Variants in FAT1 observed in about 807,000 individuals in gnomAD.
The protein encoded by FAT1 is protocadherin Fat 1.
FAT1 carries 171 observed loss-of-function variants against 329.8 expected under a neutral mutation model. The ratio of observed to expected loss-of-function variants is 0.52; its 90% confidence interval spans 0.46 to 0.59. The LOEUF is 0.59. FAT1 is among the 20% of genes least tolerant of loss of function. The pLI, the probability that FAT1 is intolerant of heterozygous loss-of-function variation, is 0.00. For missense variants in FAT1, 5,672 were observed against 5,774.4 expected (o/e 0.98, Z 0.57); for synonymous variants, 2,233 against 2,228.6 (o/e 1.00, Z -0.06).
rs1739315974 is a variant in FAT1 at position 186,609,810 on chromosome 4, A to G, written c.10059T>C (p.Ser3353=). The change falls in exon 15 of 27, where the codon TCT becomes TCC. Residue 3353 remains serine, a synonymous_variant. Coordinates refer to ENST00000441802, the MANE Select transcript of FAT1 (RefSeq NM_005245.4). ...GGGAAAAAATACACACCGTGATGACAGACTGCTCAAGAACGGCATCTTCAC... is the reference window on the plus strand; with the variant it reads ...GGGAAAAAATACACACCGTGATGACGGACTGCTCAAGAACGGCATCTTCAC... The part of the protein sequence containing the change: ...VISEDAVLEQ[S]VITVMADDAD... The G allele has an allele frequency of 1.2e-6, 2 of 1,610,950 alleles. No individual in the cohort carries two copies. Among genetic ancestry groups the G allele is most frequent in the Non-Finnish European group, 1.7e-6 (2 of 1,177,212 alleles).
intron 1 of FAT1, among the ~76,000 whole-genome samples, chr4:186,715,113 G>A (rs1745149339): frequency 6.6e-6 from 1 of 151,062 alleles, no homozygotes; most frequent in Admixed American, 6.6e-5. Context: ...GATGCGCCAC[G>A]CTGCTTCCCC....
At position 186,618,589 on chromosome 4, in the gene FAT1, T is replaced by C. The variant is rs752763243; in HGVS notation, c.7997A>G (p.Asn2666Ser). The C allele has an allele frequency of 2.5e-5, 40 of 1,613,932 alleles. No individual in the cohort carries two copies. The highest frequency in any genetic ancestry group is 7.6e-6 in the Non-Finnish European group (9 of 1,179,902). Residue 2666 changes from asparagine (N) to serine (S), a missense_variant, in exon 10 of 27, where the codon AAT (asparagine) becomes AGT (serine). Around this residue, in one of 2 missense-constraint regions of FAT1, gnomAD observed 3,966 missense variants for 3,915.2 expected, o/e 1.01. Coordinates refer to ENST00000441802, the MANE Select transcript of FAT1 (RefSeq NM_005245.4). The part of the protein sequence containing the change: ...TTKESLIGLE[N>S]EFFTFFVRAV... The stretch of plus-strand genomic sequence containing the variant: ...TCTAACAAAGAAAGTGAAGAATTCA[T>C]TTTCCAAGCCAATGAGGCTCTCCTT...
chr4:186,617,576 C>T (rs571435724), intron 10 of FAT1, 132 bp downstream of exon 10: 28 of 731,324 alleles, frequency 3.8e-5, no homozygotes, highest in Admixed American at 1.4e-4. Context: ...GTTATTTCTA[C>T]GTATTATTTT....
intron 2 of FAT1, among the ~76,000 whole-genome samples, chr4:186,688,028 T>C (rs1217490645): frequency 6.6e-6 from 1 of 151,166 alleles, no homozygotes; most frequent in East Asian, 2.0e-4. Context: ...AATGACTATA[T>C]ACTGCCTTTT....
rs775269930 is a variant in FAT1, at chr4:186,601,439, C to T, written c.11483-13G>A. The T allele has an allele frequency of 8.1e-6, 13 of 1,597,110 alleles. No individual in the cohort carries two copies. In the African/African-American group the frequency reaches 1.5e-4, roughly 18 times the overall value. On this transcript the variant is annotated splice_polypyrimidine_tract_variant and intron_variant, in intron 20 of 26. Transcript: ENST00000441802. ...ATAGATGAACTCCCTGTGAATCACA[C>T]AGAGGAAAAAATAAACCAGAACCAA...
chr4:186,707,488 A>G lies in FAT1; in HGVS notation c.2340T>C (p.Leu780=). Residue 780 remains leucine (L), a synonymous_variant, in exon 2 of 27, where the codon CTT becomes CTC. Coordinates refer to ENST00000441802, the MANE Select transcript of FAT1 (RefSeq NM_005245.4). ...ETGMLKILSP[L]DRETTDKYTL... ...TGTATTTGTCTGTTGTTTCACGGTCAAGAGGAGATAAAATTTTCAGCATTC... is the reference window on the plus strand; with the variant it reads ...TGTATTTGTCTGTTGTTTCACGGTCGAGAGGAGATAAAATTTTCAGCATTC... 1.2e-6 allele frequency: 2 copies of G among 1,614,022 alleles called. No individual in the cohort carries two copies. Among genetic ancestry groups the G allele is most frequent in the Non-Finnish European group, 1.7e-6 (2 of 1,179,884 alleles).
intron 2 of FAT1, among the ~76,000 whole-genome samples, chr4:186,702,223 G>T (rs1173213512): frequency 6.6e-6 from 1 of 152,214 alleles, no homozygotes; most frequent in African/African-American, 2.4e-5. Context: ...TTTCATGAAT[G>T]CTGACTTAAG....
rs191556742 is a variant in FAT1, at chr4:186,679,595, T to G, written c.3266-15982A>C. On this transcript the variant is annotated intron_variant, in intron 2 of 26. Coordinates refer to ENST00000441802, the MANE Select transcript of FAT1 (RefSeq NM_005245.4). ...CTTTTTCCAAAACCTAAATACAAAT[T>G]CAACATGGGAAAAAAAAAAACATAG... Among the ~76,000 whole-genome samples the G allele has an allele frequency of 3.5e-5, 5 of 144,624 alleles. No individual in the cohort carries two copies. The East Asian group carries it at 8.3e-4, about 24-fold the overall frequency. The allele number at this position is 144,624 out of a possible 152,430, so 94.9% of individuals were successfully genotyped here. A position where few individuals can be genotyped will look rare whatever the true frequency, so the allele number is the denominator to read the frequency against.
intron 3 of FAT1, among the ~76,000 whole-genome samples, chr4:186,658,062 G>T (rs1433890873): frequency 2.0e-5 from 3 of 152,178 alleles, no homozygotes; most frequent in African/African-American, 7.2e-5. Context: ...CTTCCACCTT[G>T]AGCAAGTGCT....
chr4:186,591,254 A>T (rs976222728), intron 26 of FAT1, among the ~76,000 whole-genome samples: 1 of 152,254 alleles, frequency 6.6e-6, no homozygotes, highest in Admixed American at 6.5e-5. Flanking sequence ...CACAGCAGAA[A>T]AACGGTCACA....
intron 3 of FAT1, among the ~76,000 whole-genome samples, chr4:186,646,443 T>C (rs971075343): frequency 6.6e-6 from 1 of 152,194 alleles, no homozygotes; most frequent in Non-Finnish European, 1.5e-5. Flanking sequence ...TTCTATAATT[T>C]GCACTGTCCA....
At chr4:186,706,389 C>T (rs529138846) in intron 2 of FAT1, among the ~76,000 whole-genome samples, 174 bp downstream of exon 2, 6 of 151,838 alleles carry the variant, frequency 4.0e-5, no homozygotes, top group East Asian at 1.9e-4. Flanking sequence ...TGGCTTACTA[C>T]GAATAAACAC....
chr4:186,632,099 C>A (rs1740628310), intron 7 of FAT1, among the ~76,000 whole-genome samples: 1 of 152,108 alleles, frequency 6.6e-6, no homozygotes. Context: ...ATAAAGGAAG[C>A]AATGAAATTT....
At chr4:186,607,056 T>A (rs975461953) in intron 16 of FAT1, among the ~76,000 whole-genome samples, 23 of 152,310 alleles carry the variant, frequency 1.5e-4, no homozygotes, top group African/African-American at 5.1e-4. Context: ...GTGGGGGCAA[T>A]CCTAAGCATG....
intron 4 of FAT1, among the ~76,000 whole-genome samples, chr4:186,638,748 T>A (rs2126568927): frequency 6.6e-6 from 1 of 152,158 alleles, no homozygotes; most frequent in East Asian, 1.9e-4. Context: ...ACAGCAATAT[T>A]AAAAGAAATT....
At chr4:186,702,833 G>A (rs1364818637) in intron 2 of FAT1, among the ~76,000 whole-genome samples, 2 of 152,150 alleles carry the variant, frequency 1.3e-5, no homozygotes, top group African/African-American at 4.8e-5. Flanking sequence ...GTAGAAGAGG[G>A]GGTTGGATGC....
rs1441287600 is a variant in FAT1, at chr4:186,596,931, A to C, written c.12609T>G (p.Arg4203=). 1 of 1,613,856 alleles carries C rather than the reference A, an allele frequency of 6.2e-7. No homozygotes were observed. The highest frequency in any genetic ancestry group is 8.5e-7 in the Non-Finnish European group (1 of 1,179,902). The part of the protein sequence containing the change: ...FLLVVVFVLC[R]KMISRKKKHQ... ...GCTTCTTTTTCCGACTAATCATCTTACGGCAGAGAACAAACACCACCACCA... is the reference window on the plus strand; with the variant it reads ...GCTTCTTTTTCCGACTAATCATCTTCCGGCAGAGAACAAACACCACCACCA... Residue 4203 remains arginine (R), a synonymous_variant, in exon 25 of 27, where the codon CGT becomes CGG. Coordinates refer to ENST00000441802, the MANE Select transcript of FAT1 (RefSeq NM_005245.4). This position sits in a 1 kb window ranked among gnomAD's most constrained non-coding sequence, Gnocchi z 4.7.
At chr4:186,690,513 T>C (rs920975246) in intron 2 of FAT1, among the ~76,000 whole-genome samples, 1 of 152,052 alleles carries the variant, frequency 6.6e-6, no homozygotes, top group Non-Finnish European at 1.5e-5. Flanking sequence ...CTAACCAACA[T>C]GGTAAAACTC....
At chr4:186,721,673 G>T (rs1255801669) in intron 1 of FAT1, among the ~76,000 whole-genome samples, 1 of 151,942 alleles carries the variant, frequency 6.6e-6, no homozygotes, top group Non-Finnish European at 1.5e-5. Flanking sequence ...AACTTGGGTG[G>T]AAAGCAAGCG....
Sources: allele counts gnomAD v4.1 joint callset (sites outside exome capture counted in the v4.1 genomes callset), GRCh38; gene constraint gnomAD v4.1.1; regional missense constraint gnomAD v4.1.1; non-coding constraint Gnocchi (gnomAD v3.1); transcripts MANE v1.5; gene names NCBI Gene and HGNC (gene_info 2026-07-23, HGNC 2026-07-21).